DCAF1: variants seen among roughly 807,000 people sequenced by gnomAD.
The protein encoded by DCAF1 is DDB1- and CUL4-associated factor 1.
In DCAF1, 15 loss-of-function variants were observed where a neutral mutation model predicts 128.0. That is an observed-to-expected ratio of 0.12 (90% CI 0.08 to 0.18). DCAF1 has a LOEUF of 0.18. Among genes scored for constraint, DCAF1 ranks in the 10% least tolerant of loss-of-function variants. The pLI is 1.00. For missense variants in DCAF1, 988 were observed against 1,649.5 expected (o/e 0.60, Z 6.95); for synonymous variants, 610 against 603.0 (o/e 1.01, Z -0.17).
chr3:51,396,904 A>G (rs2089240524), downstream of DCAF1: 2 of 167,126 alleles, frequency 1.2e-5, no homozygotes. Context: ...TCCACTGGTT[A>G]AGTGTTTACT....
chr3:51,502,399 T>TC (rs750511076), upstream of DCAF1, among the ~76,000 whole-genome samples: 165 of 151,994 alleles, frequency 1.1e-3, no homozygotes, highest in Middle Eastern at 0.01. Flanking sequence ...CTACAAAATA[T>TC]CTTAAAAATT....
intron 24 of DCAF1, among the ~76,000 whole-genome samples, chr3:51,400,155 T>C (rs1553624429): frequency 6.6e-6 from 1 of 152,200 alleles, no homozygotes; most frequent in Non-Finnish European, 1.5e-5. Context: ...GTATTGGTGA[T>C]GTATTGGTGA....
At chr3:51,493,874 G>C (rs1553659476) in intron 2 of DCAF1, among the ~76,000 whole-genome samples, 2 of 151,696 alleles carry the variant, frequency 1.3e-5, no homozygotes, top group African/African-American at 4.8e-5. Flanking sequence ...GCATGCGCCT[G>C]TAGTCCTAGC....
Position 51,446,040 on chromosome 3 carries a change from C to T in DCAF1, c.376-2137G>A, listed in dbSNP as rs182926637. 3.5e-5 allele frequency among the ~76,000 whole-genome samples: 5 copies of T among 142,116 alleles called. No individual in the cohort carries two copies. The East Asian group carries it at 1.1e-3, about 30-fold the overall frequency. The allele number at this position is 142,116 out of a possible 152,430, so 93.2% of individuals were successfully genotyped here. ...ACAGAGTCTTGCTCTGTCACCCAGG[C>T]TGGAGTGCAGTGGCGCAATCTCGAC... On this transcript the variant is annotated intron_variant, in intron 6 of 24. Transcript: ENST00000684031.
At chr3:51,454,629 C>T (rs886340358) in intron 6 of DCAF1, among the ~76,000 whole-genome samples, 1 of 152,140 alleles carries the variant, frequency 6.6e-6, no homozygotes, top group Non-Finnish European at 1.5e-5. Context: ...TCCCAAAGTG[C>T]TGGGATTACA....
At chr3:51,465,359 C>A (rs1704024123) in intron 5 of DCAF1, among the ~76,000 whole-genome samples, 1 of 152,110 alleles carries the variant, frequency 6.6e-6, no homozygotes, top group Admixed American at 6.6e-5. Context: ...GGGAGACACC[C>A]AGAAGGAAAT....
intron 9 of DCAF1, among the ~76,000 whole-genome samples, chr3:51,436,776 T>C (rs1407667517): frequency 6.6e-6 from 1 of 152,144 alleles, no homozygotes; most frequent in African/African-American, 2.4e-5. Flanking sequence ...CATCAAGAAT[T>C]TGAAACAAAC....
chr3:51,447,989 G>A (rs1702038038), intron 6 of DCAF1, among the ~76,000 whole-genome samples: 1 of 152,052 alleles, frequency 6.6e-6, no homozygotes. Context: ...CAGACACTGA[G>A]GATATTTTCT....
intron 2 of DCAF1, among the ~76,000 whole-genome samples, chr3:51,494,114 CTT>C (rs1285822599): frequency 1.7e-4 from 24 of 137,588 alleles, no homozygotes; most frequent in Non-Finnish European, 1.6e-4. Flanking sequence ...ATGAGGTTTC[CTT>C]TTTTTTTTTT....
intron 4 of DCAF1, among the ~76,000 whole-genome samples, chr3:51,468,541 A>T (rs1193435966): frequency 2.0e-5 from 3 of 152,156 alleles, no homozygotes; most frequent in Non-Finnish European, 4.4e-5. Flanking sequence ...TAGAGAGGCA[A>T]ATTTAGTCAA....
At chr3:51,462,610 G>A (rs1553644962) in intron 6 of DCAF1, among the ~76,000 whole-genome samples, 1 of 151,772 alleles carries the variant, frequency 6.6e-6, no homozygotes, top group African/African-American at 2.4e-5. Context: ...AGTGGACATG[G>A]TGGTGGGCGC....
At chr3:51,413,426 C>G in intron 20 of DCAF1, 40 bp from the exon 21 acceptor site, 1 of 1,585,810 alleles carries the variant, frequency 6.3e-7, no homozygotes, top group Non-Finnish European at 8.6e-7. Flanking sequence ...TTAGGAATCA[C>G]AAACATCCCC....
At chr3:51,489,763 G>A (rs1038628836) in intron 2 of DCAF1, among the ~76,000 whole-genome samples, 2 of 151,522 alleles carry the variant, frequency 1.3e-5, no homozygotes, top group Non-Finnish European at 2.9e-5. Flanking sequence ...ATCCAGCCTG[G>A]GTGACAGGTA....
chr3:51,493,888 T>C (rs1475631423), intron 2 of DCAF1, among the ~76,000 whole-genome samples: 1 of 151,224 alleles, frequency 6.6e-6, no homozygotes, highest in African/African-American at 2.4e-5. Flanking sequence ...TCCTAGCTAC[T>C]CAGGAGGCTG....
chr3:51,482,239 G>T (rs1706292727), intron 3 of DCAF1, among the ~76,000 whole-genome samples: 1 of 151,558 alleles, frequency 6.6e-6, no homozygotes, highest in African/African-American at 2.4e-5. Flanking sequence ...GAGCCCAGAT[G>T]TTCAAGACCA....
At position 51,499,895 on chromosome 3, in the gene DCAF1, G is replaced by GC. The variant is rs561819738; in HGVS notation, c.-79dup. ...CACCGTCCGAGGCGGCTCCGCCGCT[G>GC]CCCCCCCCCGACCCCGCCAGTGGCC... On this transcript the variant is annotated 5_prime_UTR_variant, in exon 1 of 25. Transcript: ENST00000684031. The GC allele has an allele frequency of 1.3e-3, 181 of 142,170 alleles. 1 individual carries two copies. Among genetic ancestry groups the GC allele is most frequent in the Admixed American group, 2.4e-3 (35 of 14,324 alleles). 8.8% of individuals were successfully genotyped at this position (142,170 alleles called of 1,614,324 possible).
At chr3:51,456,384 G>C (rs1184818153) in intron 6 of DCAF1, among the ~76,000 whole-genome samples, 1 of 152,172 alleles carries the variant, frequency 6.6e-6, no homozygotes, top group Non-Finnish European at 1.5e-5. Flanking sequence ...TGCTGAGTTA[G>C]TTGTTTGATT....
chr3:51,396,139 C>A (rs1577024128), downstream of DCAF1: 3 of 401,576 alleles, frequency 7.5e-6, no homozygotes, highest in East Asian at 1.1e-4. Flanking sequence ...GGCTACCTAT[C>A]TTCCTTCATG....
At chr3:51,418,248 G>A (rs1699077551) in intron 16 of DCAF1, 50 bp from the exon 17 acceptor site, 2 of 1,562,356 alleles carry the variant, frequency 1.3e-6, no homozygotes, top group Non-Finnish European at 1.7e-6. Context: ...CATACATGCA[G>A]ATGTCACTAC....
Sources: allele counts gnomAD v4.1 joint callset (sites outside exome capture counted in the v4.1 genomes callset), GRCh38; gene constraint gnomAD v4.1.1; transcripts MANE v1.5; gene names NCBI Gene and HGNC (gene_info 2026-07-23, HGNC 2026-07-21).